The following CFAP69 variants were observed in gnomAD, a reference collection of about 807,000 sequenced individuals.
CFAP69 encodes the protein cilia and flagella associated protein 69.
CFAP69 carries 92 observed loss-of-function variants against 123.0 expected under a neutral mutation model. The observed-to-expected ratio is 0.75, with a 90% confidence interval of 0.63 to 0.89. The LOEUF (loss-of-function observed/expected upper bound fraction) is 0.89, where lower values mean the gene tolerates loss of function less well. Among genes scored for constraint, CFAP69 ranks in the 40% least tolerant of loss-of-function variants. The pLI is 0.00. For missense variants in CFAP69, 1,067 were observed against 1,096.9 expected (o/e 0.97, Z 0.39); for synonymous variants, 380 against 364.3 (o/e 1.04, Z -0.49).
chr7:90,312,923 G>A (rs1231744342), downstream of CFAP69: 1 of 152,202 alleles, frequency 6.6e-6, no homozygotes, highest in Non-Finnish European at 1.5e-5. Context: ...AACAATCTCA[G>A]TAATGAGACT....
At position 90,271,930 on chromosome 7, in the gene CFAP69, C is replaced by A. The variant is rs773773612; in HGVS notation, c.832C>A (p.Gln278Lys). ...AAAATCTTCAAAAGAAGAAGTCATA[C>A]AACAGCTTAGTAACTTGGAATGTTT... ...LEKSSKEEVI[Q>K]QLSNLECLLA... Residue 278 changes from glutamine (Q) to lysine (K), a missense_variant, in exon 8 of 23, where the codon CAA (glutamine) becomes AAA (lysine). Gln to Lys is a moderately conservative substitution (Grantham distance 53). Coordinates refer to ENST00000389297, the MANE Select transcript of CFAP69 (RefSeq NM_001039706.3). The A allele has an allele frequency of 1.9e-6, 3 of 1,612,444 alleles. No homozygotes were observed. The African/African-American group carries it at 4.0e-5, about 22-fold the overall frequency.
chr7:90,312,962 A>G (rs934355179), downstream of CFAP69, among the ~76,000 whole-genome samples: 1 of 152,230 alleles, frequency 6.6e-6, no homozygotes, highest in African/African-American at 2.4e-5. Flanking sequence ...TCATTCTAGC[A>G]TGGTTAAACT....
At chr7:90,304,367 G>A (rs1237484216) in intron 18 of CFAP69, 2 of 1,225,628 alleles carry the variant, frequency 1.6e-6, no homozygotes, top group Non-Finnish European at 2.0e-6. Context: ...AGTTAGTTTA[G>A]ATGATTAAGC....
At chr7:90,280,211 T>C (rs1789265244) in intron 12 of CFAP69, among the ~76,000 whole-genome samples, 1 of 152,204 alleles carries the variant, frequency 6.6e-6, no homozygotes, top group African/African-American at 2.4e-5. Context: ...CTTTGTTTGT[T>C]TGTTGAGACA....
intron 8 of CFAP69, 116 bp downstream of exon 8, chr7:90,272,074 C>T: frequency 4.1e-6 from 4 of 978,734 alleles, no homozygotes; most frequent in Non-Finnish European, 4.4e-6. Flanking sequence ...CATGTAATGG[C>T]TATGTTTCAG....
In CFAP69 at chr7:90,249,245, G is replaced by GCT. The variant is rs911801891; in HGVS notation, c.120+3714_120+3715dup. On this transcript the variant is annotated intron_variant, in intron 1 of 22. Coordinates refer to ENST00000389297, the MANE Select transcript of CFAP69 (RefSeq NM_001039706.3). The stretch of plus-strand genomic sequence containing the variant: ...GTTTTATAAGAGGTTCTTCCTCTTT[G>GCT]CTCTCTCTCTCTCTGTCTTTCCTGC... 1.3e-3 allele frequency among the ~76,000 whole-genome samples: 189 copies of GCT among 150,972 alleles called. 1 individual carries two copies. The highest frequency in any genetic ancestry group is 3.4e-3 in the Middle Eastern group (1 of 292).
At chr7:90,290,447 G>A (rs1049051422) in intron 15 of CFAP69, among the ~76,000 whole-genome samples, 46 of 152,188 alleles carry the variant, frequency 3.0e-4, no homozygotes, top group Admixed American at 3.0e-3. Context: ...TTTGCATTCT[G>A]TTTAGATCTT....
intron 6 of CFAP69, among the ~76,000 whole-genome samples, chr7:90,270,427 G>T (rs1203342988): frequency 6.6e-6 from 1 of 152,062 alleles, no homozygotes; most frequent in Non-Finnish European, 1.5e-5. Flanking sequence ...TGTTAAAATT[G>T]TATGCATACA....
intron 17 of CFAP69, chr7:90,302,828 G>C (rs1255892968): frequency 6.6e-6 from 1 of 151,958 alleles, no homozygotes; most frequent in African/African-American, 2.4e-5. Flanking sequence ...ATGATTTTTT[G>C]AATAGTTTTC....
intron 15 of CFAP69, among the ~76,000 whole-genome samples, chr7:90,296,405 G>T (rs1370554744): frequency 6.6e-6 from 1 of 151,990 alleles, no homozygotes; most frequent in Non-Finnish European, 1.5e-5. Context: ...TCAGCTCACT[G>T]CAACCTCCTC....
At chr7:90,313,785 T>G (rs1794529914), downstream of CFAP69, among the ~76,000 whole-genome samples, 1 of 152,164 alleles carries the variant, frequency 6.6e-6, no homozygotes, top group African/African-American at 2.4e-5. Flanking sequence ...ATGTAGATAT[T>G]CCCTCCTCAA....
At chr7:90,246,145 C>T (rs1342557917) in intron 1 of CFAP69, among the ~76,000 whole-genome samples, 1 of 152,158 alleles carries the variant, frequency 6.6e-6, no homozygotes, top group Non-Finnish European at 1.5e-5. Flanking sequence ...TATGCTTGTA[C>T]TGTATTTGGT....
chr7:90,268,320 G>T lies in CFAP69; in HGVS notation c.468G>T (p.Arg156Ser). 2 of 1,609,206 alleles carry T rather than the reference G, an allele frequency of 1.2e-6. No individual in the cohort carries two copies. The highest frequency in any genetic ancestry group is 8.5e-7 in the Non-Finnish European group (1 of 1,178,442). Residue 156 changes from arginine (R) to serine (S), a missense_variant, in exon 6 of 23, where the codon AGG becomes AGT. Physicochemically the swap from Arg to Ser is moderately radical, Grantham distance 110. Transcript: ENST00000389297. ...DLMKIPSSEL[R>S]IQICKCIVDF... ...TGAAAATACCAAGTTCTGAATTGAGGATACAAATTTGTAAGTGTATTGTTG... is the reference window on the plus strand; with the variant it reads ...TGAAAATACCAAGTTCTGAATTGAGTATACAAATTTGTAAGTGTATTGTTG...
intron 15 of CFAP69, 55 bp from the exon 16 acceptor site, chr7:90,297,694 A>C (rs894323165): frequency 6.3e-6 from 7 of 1,119,382 alleles, no homozygotes; most frequent in Non-Finnish European, 7.8e-6. Flanking sequence ...AAAGCTGTAC[A>C]AATTCAGTTT....
chr7:90,288,438 T>G (rs1790621987), intron 15 of CFAP69, 86 bp downstream of exon 15: 1 of 1,459,188 alleles, frequency 6.9e-7, no homozygotes, highest in Admixed American at 1.9e-5. Context: ...GAGAAATGTT[T>G]CCTTAGGCAA....
chr7:90,245,315 C>G lies in CFAP69; in HGVS notation c.-110C>G. ...TTGGGACCTTTCGCGACTCTAGCGA[C>G]TCTCAGGCTGCCTTCCCTTCTCGGT... On this transcript the variant is annotated 5_prime_UTR_variant, in exon 1 of 23. Transcript: ENST00000389297. The G allele has an allele frequency of 7.2e-7, 1 of 1,387,720 alleles. No homozygotes were observed. Among genetic ancestry groups the G allele is most frequent in the Non-Finnish European group, 9.4e-7 (1 of 1,065,978 alleles). 86.0% of individuals were successfully genotyped at this position (1,387,720 alleles called of 1,614,324 possible).
At chr7:90,252,426 G>A (rs1311770301) in intron 1 of CFAP69, among the ~76,000 whole-genome samples, 1 of 152,136 alleles carries the variant, frequency 6.6e-6, no homozygotes, top group Non-Finnish European at 1.5e-5. Context: ...TCAAAACTTT[G>A]GGAGGCTGAG....
intron 1 of CFAP69, 86 bp from the exon 2 acceptor site, chr7:90,255,337 G>C: frequency 9.4e-7 from 1 of 1,058,314 alleles, no homozygotes; most frequent in South Asian, 1.4e-5. Context: ...AGTTACCAAG[G>C]GAAAGTATCA....
intron 1 of CFAP69, among the ~76,000 whole-genome samples, chr7:90,251,108 A>C (rs1379875451): frequency 6.6e-6 from 1 of 152,116 alleles, no homozygotes; most frequent in Non-Finnish European, 1.5e-5. Flanking sequence ...TTCATAATTA[A>C]ATTCTTCTGG....
Sources: gnomAD v4.1 joint callset for allele counts (sites outside exome capture counted in the v4.1 genomes callset) on GRCh38, gnomAD v4.1.1 for gene constraint, MANE v1.5 for transcripts, NCBI Gene and HGNC (gene_info 2026-07-23, HGNC 2026-07-21) for gene names.